Variants in FBLN7 observed in about 807,000 individuals in gnomAD.
FBLN7 encodes fibulin-7.
Under a neutral mutation model 44.0 loss-of-function variants are expected in FBLN7, and 31 were observed. The ratio of observed to expected loss-of-function variants is 0.70; its 90% CI spans 0.53 to 0.95. The LOEUF is 0.95. FBLN7 is among the 40% of genes least tolerant of loss of function. FBLN7 has a pLI of 0.00. For missense variants in FBLN7, 573 were observed against 618.5 expected (o/e 0.93, Z 0.78); for synonymous variants, 262 against 253.4 (o/e 1.03, Z -0.32).
the FBLN7 span, chr2:112,238,354 C>A: frequency 6.2e-7 from 1 of 1,613,694 alleles, no homozygotes; most frequent in South Asian, 1.1e-5. Context: ...TTTGTAGATT[C>A]TTCAGGTTGA....
chr2:112,194,225 T>C, the FBLN7 span, among the ~76,000 whole-genome samples: 1 of 152,172 alleles, frequency 6.6e-6, no homozygotes, highest in Admixed American at 6.5e-5. Flanking sequence ...GAACAGTGTG[T>C]GTAGGACACA....
the FBLN7 span, among the ~76,000 whole-genome samples, chr2:112,223,558 T>C: frequency 6.6e-6 from 1 of 152,136 alleles, no homozygotes; most frequent in Non-Finnish European, 1.5e-5. Flanking sequence ...ATTACTTTTA[T>C]AAGAATATTT....
chr2:112,189,324 A>G (rs1454198149), downstream of FBLN7: 14 of 152,258 alleles, frequency 9.2e-5, no homozygotes, highest in Admixed American at 9.2e-4. Flanking sequence ...TCACGCACCC[A>G]GCCCCGGTGC....
At chr2:112,204,365 G>A in the FBLN7 span, among the ~76,000 whole-genome samples, 6 of 151,692 alleles carry the variant, frequency 4.0e-5, no homozygotes, top group African/African-American at 1.5e-4. Flanking sequence ...ATCTCAGAAG[G>A]AGAAGATAGT....
chr2:112,173,651 C>T (rs967393895), intron 3 of FBLN7, among the ~76,000 whole-genome samples: 3 of 152,220 alleles, frequency 2.0e-5, no homozygotes, highest in South Asian at 2.1e-4. Flanking sequence ...AACTTACTTA[C>T]GTGAAGTTTC....
chr2:112,243,218 C>T, the FBLN7 span, among the ~76,000 whole-genome samples: 9 of 152,194 alleles, frequency 5.9e-5, no homozygotes, highest in East Asian at 1.7e-3. Context: ...CAAACAGTTC[C>T]AGAAGTGTTT....
the FBLN7 span, among the ~76,000 whole-genome samples, chr2:112,243,975 AAAT>A: frequency 5.3e-4 from 81 of 151,456 alleles, no homozygotes; most frequent in African/African-American, 1.7e-3. Context: ...GTAATTTATG[AAAT>A]AATGATAAAT....
chr2:112,182,921 C>T lies in FBLN7; in HGVS notation c.801C>T (p.Ser267=). ...ACCGAACTCTGGCTGACGGGAAGAG[C>T]TGTGAGGGTGAGTGAGGCTACAGAG... ...GGYRTLADGK[S]CEDVDECVGL... Residue 267 remains serine, a synonymous_variant, in exon 6 of 8, where the codon AGC becomes AGT. Coordinates refer to ENST00000331203, the MANE Select transcript of FBLN7 (RefSeq NM_153214.3). 1 of 1,612,372 alleles carries T rather than the reference C, an allele frequency of 6.2e-7. No individual in the cohort carries two copies. Among genetic ancestry groups the T allele is most frequent in the Non-Finnish European group, 8.5e-7 (1 of 1,179,776 alleles).
At chr2:112,181,225 T>C (rs903215408) in intron 4 of FBLN7, among the ~76,000 whole-genome samples, 33 of 152,178 alleles carry the variant, frequency 2.2e-4, no homozygotes, top group African/African-American at 7.7e-4. Flanking sequence ...AAGGTAACTA[T>C]TGGGTACTGG....
At chr2:112,243,749 TTTA>T in the FBLN7 span, among the ~76,000 whole-genome samples, 1 of 152,168 alleles carries the variant, frequency 6.6e-6, no homozygotes, top group African/African-American at 2.4e-5. Context: ...ACCTAAAATA[TTTA>T]TTGTCTTGTC....
the FBLN7 span, among the ~76,000 whole-genome samples, chr2:112,232,497 G>T: frequency 6.6e-6 from 1 of 151,900 alleles, no homozygotes; most frequent in Non-Finnish European, 1.5e-5. Context: ...TCTTATAATA[G>T]AGTACAGGCA....
chr2:112,140,701 A>C (rs905165994), intron 1 of FBLN7, among the ~76,000 whole-genome samples: 4 of 152,190 alleles, frequency 2.6e-5, no homozygotes, highest in African/African-American at 9.7e-5. Context: ...CCCGCCCTCC[A>C]AACTCCGACA....
the FBLN7 span, among the ~76,000 whole-genome samples, chr2:112,220,337 C>G: frequency 5.3e-4 from 81 of 152,310 alleles, 1 homozygote; most frequent in East Asian, 0.014. Flanking sequence ...TCTTGTAAGG[C>G]AGGTCTGGTG....
chr2:112,182,673 C>T (rs1343087719), intron 5 of FBLN7, 118 bp from the exon 6 acceptor site: 1 of 1,332,942 alleles, frequency 7.5e-7, no homozygotes, highest in African/African-American at 1.5e-5. Flanking sequence ...GCCCGAGGCC[C>T]AGCCACTTAA....
chr2:112,148,197 G>A (rs1052823759), intron 1 of FBLN7, among the ~76,000 whole-genome samples: 6 of 152,280 alleles, frequency 3.9e-5, no homozygotes, highest in Non-Finnish European at 7.4e-5. Context: ...CTGCCGATTC[G>A]GATTGATTGC....
Position 112,187,611 on chromosome 2 carries a change from T to G in FBLN7, c.*105T>G, listed in dbSNP as rs4848281. 2 of 1,480,608 alleles carry G rather than the reference T, an allele frequency of 1.4e-6. No homozygotes were observed. Among genetic ancestry groups the G allele is most frequent in the South Asian group, 1.3e-5 (1 of 77,688 alleles). The allele number at this position is 1,480,608 out of a possible 1,614,324, so 91.7% of individuals were successfully genotyped here. A position where few individuals can be genotyped will look rare whatever the true frequency, so the allele number is the denominator to read the frequency against. On this transcript the variant is annotated 3_prime_UTR_variant, in exon 8 of 8. Coordinates refer to ENST00000331203, the MANE Select transcript of FBLN7 (RefSeq NM_153214.3). This position sits in a 1 kb window ranked among gnomAD's most constrained non-coding sequence, Gnocchi z 5.1. ...TGGAGCCTCCCGCCTGTTCCCGCCC[T>G]CTCACCAGTGCACCCAGGCTTCTAG...
chr2:112,164,776 GC>G (rs1321024572), intron 2 of FBLN7, among the ~76,000 whole-genome samples: 1 of 152,186 alleles, frequency 6.6e-6, no homozygotes, highest in Non-Finnish European at 1.5e-5. Flanking sequence ...GTGTCTCTGA[GC>G]CCCAGTCTCA....
intron 2 of FBLN7, among the ~76,000 whole-genome samples, chr2:112,163,129 G>A (rs146037637): frequency 1.3e-5 from 2 of 152,318 alleles, no homozygotes; most frequent in African/African-American, 4.8e-5. Flanking sequence ...GGAGGGTCCG[G>A]CACCTCCCTC....
At chr2:112,208,218 G>A in the FBLN7 span, among the ~76,000 whole-genome samples, 1 of 152,092 alleles carries the variant, frequency 6.6e-6, no homozygotes, top group Non-Finnish European at 1.5e-5. Context: ...TGGCCGACAT[G>A]GTGAAACCCC....
Sources: allele counts gnomAD v4.1 joint callset (sites outside exome capture counted in the v4.1 genomes callset), GRCh38; gene constraint gnomAD v4.1.1; non-coding constraint Gnocchi (gnomAD v3.1); transcripts MANE v1.5; gene names NCBI Gene and HGNC (gene_info 2026-07-23, HGNC 2026-07-21).